PPP5C: variants seen among roughly 807,000 people sequenced by gnomAD.
PPP5C encodes serine/threonine-protein phosphatase 5.
PPP5C carries 21 observed loss-of-function variants against 66.7 expected under a neutral mutation model. The ratio of observed to expected loss-of-function variants is 0.31; its 90% CI spans 0.22 to 0.45. The LOEUF (loss-of-function observed/expected upper bound fraction) is 0.45, where lower values mean the gene tolerates loss of function less well. Among genes scored for constraint, PPP5C ranks in the 20% least tolerant of loss-of-function variants. The pLI is 1.00. For missense variants in PPP5C, 464 were observed against 675.9 expected (o/e 0.69, Z 3.48); for synonymous variants, 246 against 257.4 (o/e 0.96, Z 0.43).
Position 46,387,372 on chromosome 19 carries a change from C to G in PPP5C, c.1054C>G (p.His352Asp). 1 of 1,608,294 alleles carries G rather than the reference C, an allele frequency of 6.2e-7. No individual in the cohort carries two copies. Among genetic ancestry groups the G allele is most frequent in the Non-Finnish European group, 8.5e-7 (1 of 1,175,328 alleles). ...QCINGKVLIMHGGLFSEDGVT... is the reference protein window; with the variant it reads ...QCINGKVLIMDGGLFSEDGVT... ...GCATCCCCCATCTCCCCAGATCATG[C>G]ACGGAGGCCTGTTCAGTGAAGACGG... Residue 352 changes from histidine (H) to aspartate (D), a missense_variant, in exon 9 of 13, where the codon CAC becomes GAC. His to Asp is a moderately conservative substitution (Grantham distance 81). Transcript: ENST00000012443.
rs781518780 is a variant in PPP5C at position 46,347,140 on chromosome 19, C to G, written c.44C>G (p.Pro15Arg). Residue 15 changes from proline to arginine, a missense_variant, in exon 1 of 13, where the codon CCC becomes CGC. Pro to Arg is a moderately radical substitution (Grantham distance 103, BLOSUM62 -2). Around this residue, in one of 2 missense-constraint regions of PPP5C, gnomAD observed 77 missense variants for 49.9 expected, o/e 1.54. Transcript: ENST00000012443. ...GAGAGGACTGAGTGTGCTGAGCCCCCCCGGGACGAACCCCCGGCTGATGGA... is the reference window on the plus strand; with the variant it reads ...GAGAGGACTGAGTGTGCTGAGCCCCGCCGGGACGAACCCCCGGCTGATGGA... ...EGERTECAEP[P>R]RDEPPADGAL... 18 of 1,605,144 alleles carry G rather than the reference C, an allele frequency of 1.1e-5. No individual in the cohort carries two copies. Among genetic ancestry groups the G allele is most frequent in the South Asian group, 2.2e-5 (2 of 89,624 alleles).
At chr19:46,358,857 G>A (rs980859201) in intron 2 of PPP5C, among the ~76,000 whole-genome samples, 1 of 152,182 alleles carries the variant, frequency 6.6e-6, no homozygotes, top group African/African-American at 2.4e-5. Flanking sequence ...TGAGGTTGAT[G>A]TGTAGCTGTC....
intron 2 of PPP5C, among the ~76,000 whole-genome samples, chr19:46,367,651 G>T (rs1213281873): frequency 1.3e-5 from 2 of 152,174 alleles, no homozygotes; most frequent in Non-Finnish European, 2.9e-5. Flanking sequence ...GGCATCCCTG[G>T]TTGCTCCTCT....
intron 2 of PPP5C, among the ~76,000 whole-genome samples, chr19:46,370,145 ATTAACC>A (rs1972562892): frequency 6.6e-6 from 1 of 152,140 alleles, no homozygotes. Context: ...TCAATAATAA[ATTAACC>A]TTAGCTTACT....
At chr19:46,382,379 T>C (rs1344746537) in intron 4 of PPP5C, 1 of 152,214 alleles carries the variant, frequency 6.6e-6, no homozygotes, top group African/African-American at 2.4e-5. Flanking sequence ...ACCTTTGATT[T>C]TGTTGCTTGT....
At position 46,375,633 on chromosome 19, in the gene PPP5C, T is replaced by A; in HGVS notation, c.393T>A (p.Asp131Glu). 1 of 1,613,922 alleles carries A rather than the reference T, an allele frequency of 6.2e-7. No homozygotes were observed. The highest frequency in any genetic ancestry group is 8.5e-7 in the Non-Finnish European group (1 of 1,179,932). ...TCAAGGTGAAGCCCCATGACAAGGA[T>A]GCCAAAATGAAATACCAGGAGTGCA... ...TVVKVKPHDK[D>E]AKMKYQECNK... is the part of the protein sequence containing the mutation. Residue 131 changes from aspartate to glutamate, a missense_variant, in exon 3 of 13, where the codon GAT (aspartate) becomes GAA (glutamate). This residue lies in a region of PPP5C where 387 missense variants were observed against 626.0 expected (regional missense o/e 0.62). Transcript: ENST00000012443.
Position 46,383,351 on chromosome 19 carries a change from G to A in PPP5C, c.634-60G>A, listed in dbSNP as rs777987521. On this transcript the variant is annotated intron_variant, in intron 4 of 12. Coordinates refer to ENST00000012443, the MANE Select transcript of PPP5C (RefSeq NM_006247.4). The surrounding 1 kb of genome is among the most constrained non-coding windows in gnomAD (Gnocchi z 5.0). ...CGTCTCATGGGCAGTCCAGGCTTTC[G>A]GGGCCAGGTTGGGCAGCAGCCCCTG... 1.5e-5 allele frequency: 24 copies of A among 1,581,572 alleles called. No individual in the cohort carries two copies. The highest frequency in any genetic ancestry group is 5.4e-5 in the African/African-American group (4 of 73,876).
rs1491537535 is a variant in PPP5C, at chr19:46,389,360, A to AAAAC, written c.1355+631_1355+634dup. ...ACGGGCAAGAGTAAGACTCCATCTC[A>AAAAC]AAACACACACACACACACACACACA... is the stretch of plus-strand genomic sequence containing the variant. On this transcript the variant is annotated intron_variant, in intron 11 of 12. Coordinates refer to ENST00000012443, the MANE Select transcript of PPP5C (RefSeq NM_006247.4). 6.0e-4 allele frequency among the ~76,000 whole-genome samples: 75 copies of AAAAC among 124,308 alleles called. 4 individuals are homozygous for AAAAC. The highest frequency in any genetic ancestry group is 2.6e-3 in the African/African-American group (72 of 27,696). 81.6% of individuals were successfully genotyped at this position (124,308 alleles called of 152,430 possible). A position where few individuals can be genotyped will look rare whatever the true frequency, so the allele number is the denominator to read the frequency against.
Position 46,376,370 on chromosome 19 carries a change from T to G in PPP5C, c.512-83T>G, listed in dbSNP as rs73553129. 5,104 of 1,547,320 alleles carry G rather than the reference T, an allele frequency of 3.3e-3. 150 individuals are homozygous for G. In the African/African-American group the frequency reaches 0.062, roughly 19 times the overall value. On this transcript the variant is annotated intron_variant, in intron 3 of 12. Transcript: ENST00000012443. The surrounding 1 kb of genome is among the most constrained non-coding windows in gnomAD (Gnocchi z 5.1). ...GACCTGTGTGTCCACACCCAAGTTTTCCCCATCCCTGGGAGCGAGACCCCC... is the reference window on the plus strand; with the variant it reads ...GACCTGTGTGTCCACACCCAAGTTTGCCCCATCCCTGGGAGCGAGACCCCC...
In PPP5C at chr19:46,388,241, C is replaced by T; in HGVS notation, c.1136-167C>T. ...AGAGAGGGTGGGGGTGGCTCAGAAT[C>T]ACAGTCACCTGTCCTGAATGTCCAT... On this transcript the variant is annotated intron_variant, in intron 9 of 12. Transcript: ENST00000012443. The surrounding 1 kb of genome is among the most constrained non-coding windows in gnomAD (Gnocchi z 4.9). The T allele has an allele frequency of 1.4e-6, 1 of 703,572 alleles. No homozygotes were observed. The highest frequency in any genetic ancestry group is 2.3e-6 in the Non-Finnish European group (1 of 433,890). 43.6% of individuals were successfully genotyped at this position (703,572 alleles called of 1,614,324 possible).
Position 46,390,517 on chromosome 19 carries a change from A to T in PPP5C, c.*171A>T. 2 of 1,427,654 alleles carry T rather than the reference A, an allele frequency of 1.4e-6. No homozygotes were observed. The highest frequency in any genetic ancestry group is 1.8e-6 in the Non-Finnish European group (2 of 1,084,210). The allele number at this position is 1,427,654 out of a possible 1,614,324, so 88.4% of individuals were successfully genotyped here. On this transcript the variant is annotated 3_prime_UTR_variant, in exon 13 of 13. Coordinates refer to ENST00000012443, the MANE Select transcript of PPP5C (RefSeq NM_006247.4). Reference sequence around the variant, plus strand: ...TTGCAGAGGGGGTAGGGGCAGAGTCAGGGGCTGGCCAGAGGGTCTGCTCCC... The same window carrying T: ...TTGCAGAGGGGGTAGGGGCAGAGTCTGGGGCTGGCCAGAGGGTCTGCTCCC...
chr19:46,352,307 C>T (rs1972200968), intron 1 of PPP5C, among the ~76,000 whole-genome samples: 1 of 152,166 alleles, frequency 6.6e-6, no homozygotes, highest in African/African-American at 2.4e-5. Context: ...GGTGGGGACT[C>T]TGTGCAGGGC....
In PPP5C at chr19:46,387,643, G is replaced by A. The variant is rs141469993; in HGVS notation, c.1135+190G>A. ...TTCATGGGGCTGTGATGGCAAGCAC[G>A]GTCGTGACCATGGTGCGGGGTGAAG... On this transcript the variant is annotated intron_variant, in intron 9 of 12. Coordinates refer to ENST00000012443, the MANE Select transcript of PPP5C (RefSeq NM_006247.4). 585 of 1,516,100 alleles carry A rather than the reference G, an allele frequency of 3.9e-4. 3 individuals are homozygous for A. The African/African-American group carries it at 7.1e-3, about 18-fold the overall frequency. 93.9% of individuals were successfully genotyped at this position (1,516,100 alleles called of 1,614,324 possible). A position where few individuals can be genotyped will look rare whatever the true frequency, so the allele number is the denominator to read the frequency against.
At chr19:46,375,456 G>A (rs1972675467) in intron 2 of PPP5C, 148 bp from the exon 3 acceptor site, 1 of 1,260,312 alleles carries the variant, frequency 7.9e-7, no homozygotes, top group Non-Finnish European at 1.1e-6. Flanking sequence ...AGGCTCGGCA[G>A]TTAAATACGT....
intron 2 of PPP5C, among the ~76,000 whole-genome samples, chr19:46,354,884 C>T (rs958625774): frequency 6.6e-6 from 1 of 152,108 alleles, no homozygotes; most frequent in African/African-American, 2.4e-5. Context: ...ACCTAGGGCA[C>T]AGTGAGAATT....
chr19:46,368,194 C>T (rs991374877), intron 2 of PPP5C, among the ~76,000 whole-genome samples: 1 of 152,064 alleles, frequency 6.6e-6, no homozygotes, highest in African/African-American at 2.4e-5. Flanking sequence ...CACACCCCCA[C>T]TTCACTCTCC....
chr19:46,368,346 CCATGCAGCT>C (rs1340455657), intron 2 of PPP5C, among the ~76,000 whole-genome samples: 1 of 152,204 alleles, frequency 6.6e-6, no homozygotes, highest in African/African-American at 2.4e-5. Context: ...CCTGGACCTG[CCATGCAGCT>C]ACTCGTGGCG....
intron 1 of PPP5C, among the ~76,000 whole-genome samples, chr19:46,353,129 C>G (rs1054489291): frequency 6.6e-6 from 1 of 152,202 alleles, no homozygotes; most frequent in South Asian, 2.1e-4. Flanking sequence ...TTGAGCAAGA[C>G]CTCCATGGCT....
intron 2 of PPP5C, among the ~76,000 whole-genome samples, chr19:46,368,878 A>G (rs1041039386): frequency 6.6e-6 from 1 of 152,208 alleles, no homozygotes. Flanking sequence ...CAAGTCTACA[A>G]AAGACATTAT....
Sources: allele counts gnomAD v4.1 joint callset (sites outside exome capture counted in the v4.1 genomes callset), GRCh38; gene constraint gnomAD v4.1.1; regional missense constraint gnomAD v4.1.1; non-coding constraint Gnocchi (gnomAD v3.1); transcripts MANE v1.5; gene names NCBI Gene and HGNC (gene_info 2026-07-23, HGNC 2026-07-21).